FNBP1: variants seen among roughly 807,000 people sequenced by gnomAD.
FNBP1 encodes formin binding protein 1.
A neutral mutation model predicts 90.6 loss-of-function variants in FNBP1; 26 were observed. The observed-to-expected ratio is 0.29, with a 90% CI of 0.21 to 0.40. The LOEUF (loss-of-function observed/expected upper bound fraction) is 0.40. Ranked by LOEUF, FNBP1 falls within the 10% of genes least tolerant of loss-of-function variation. The pLI, the probability that FNBP1 is intolerant of heterozygous loss-of-function variation, is 1.00. For missense variants in FNBP1, 635 were observed against 768.0 expected (o/e 0.83, Z 2.05); for synonymous variants, 260 against 265.2 (o/e 0.98, Z 0.19).
chr9:129,989,880 A>T (rs2052853284), intron 2 of FNBP1, among the ~76,000 whole-genome samples: 1 of 152,126 alleles, frequency 6.6e-6, no homozygotes, highest in African/African-American at 2.4e-5. Flanking sequence ...TCTGCAAAAG[A>T]TACAAAAATT....
At chr9:130,035,420 C>T (rs1343426292) in intron 1 of FNBP1, among the ~76,000 whole-genome samples, 13 of 151,730 alleles carry the variant, frequency 8.6e-5, no homozygotes, top group South Asian at 2.1e-4. Context: ...AGGTCTGCAT[C>T]GTGATCTGAT....
intron 1 of FNBP1, among the ~76,000 whole-genome samples, chr9:130,026,549 G>A (rs1398588745): frequency 6.6e-6 from 1 of 151,964 alleles, no homozygotes; most frequent in African/African-American, 2.4e-5. Flanking sequence ...GATTTGAGGA[G>A]TGAACACAAT....
At chr9:129,971,450 G>A (rs964638769) in intron 4 of FNBP1, among the ~76,000 whole-genome samples, 1 of 152,016 alleles carries the variant, frequency 6.6e-6, no homozygotes, top group African/African-American at 2.4e-5. Flanking sequence ...GAGTGCAGTG[G>A]TGCGATCTCA....
At chr9:129,998,119 T>C (rs35535387) in intron 1 of FNBP1, among the ~76,000 whole-genome samples, 5,362 of 138,286 alleles carry the variant, frequency 0.039, 118 homozygotes, top group Middle Eastern at 0.1. Flanking sequence ...TCCACTGAAC[T>C]CAGGAGACAG....
intron 1 of FNBP1, among the ~76,000 whole-genome samples, chr9:130,007,810 G>A (rs2055984094): frequency 6.6e-6 from 1 of 152,066 alleles, no homozygotes; most frequent in Non-Finnish European, 1.5e-5. Flanking sequence ...GAGGTCAGGA[G>A]TTCAAGACCA....
At chr9:130,027,804 C>T (rs571261277) in intron 1 of FNBP1, among the ~76,000 whole-genome samples, 86 of 152,140 alleles carry the variant, frequency 5.7e-4, no homozygotes, top group Non-Finnish European at 9.3e-4. Context: ...TTGGCTTCTC[C>T]GTATGTCTCT....
Position 129,891,397 on chromosome 9 carries a change from C to T in FNBP1, c.1847-851G>A, listed in dbSNP as rs1393434726. On this transcript the variant is annotated intron_variant, in intron 16 of 16. Transcript: ENST00000446176. ...AAGGATGGCTTGAGCCCAGGGAGGT[C>T]GAGGCTGCAGCGAGCCAGGATCACA... Among the ~76,000 whole-genome samples the T allele has an allele frequency of 2.6e-5, 4 of 152,016 alleles. No homozygotes were observed. The South Asian group carries it at 8.3e-4, about 32-fold the overall frequency.
At chr9:130,002,896 C>A (rs1178288595) in intron 1 of FNBP1, among the ~76,000 whole-genome samples, 2 of 152,200 alleles carry the variant, frequency 1.3e-5, no homozygotes, top group African/African-American at 4.8e-5. Context: ...ACCTTGACCT[C>A]ACACTGCTCC....
At chr9:130,011,629 T>C (rs189261889) in intron 1 of FNBP1, among the ~76,000 whole-genome samples, 61 of 152,264 alleles carry the variant, frequency 4.0e-4, no homozygotes, top group Middle Eastern at 3.4e-3. Flanking sequence ...CCTTCACCAG[T>C]CACTGAACCT....
chr9:129,944,438 C>G (rs779286101), intron 6 of FNBP1, among the ~76,000 whole-genome samples: 2 of 149,820 alleles, frequency 1.3e-5, no homozygotes, highest in Admixed American at 6.7e-5. Context: ...CTACTTGGGA[C>G]GCTGAGGCAG....
intron 10 of FNBP1, among the ~76,000 whole-genome samples, chr9:129,917,854 A>G (rs191700932): frequency 6.4e-4 from 98 of 152,290 alleles, no homozygotes; most frequent in African/African-American, 2.2e-3. Context: ...TGTGAACTTG[A>G]GCATAGATCT....
At position 129,888,146 on chromosome 9, in the gene FNBP1, T is replaced by G. The variant is rs2034853620; in HGVS notation, c.*2393A>C. ...GTGACGGGGGGATACAAGCATATCC[T>G]ATACTGGGGGTGACGGTCATTCAAA... On this transcript the variant is annotated 3_prime_UTR_variant, in exon 17 of 17. Transcript: ENST00000446176. The G allele has an allele frequency of 1.3e-5, 3 of 232,954 alleles. No homozygotes were observed. Among genetic ancestry groups the G allele is most frequent in the Non-Finnish European group, 2.5e-5 (3 of 117,866 alleles). 14.4% of individuals were successfully genotyped at this position (232,954 alleles called of 1,614,324 possible).
chr9:129,943,499 G>A (rs2044671341), intron 6 of FNBP1, among the ~76,000 whole-genome samples: 1 of 146,140 alleles, frequency 6.8e-6, no homozygotes, highest in African/African-American at 2.5e-5. Flanking sequence ...CGATTCTCCT[G>A]CCTCAGCCTC....
At chr9:130,016,465 C>T (rs764348553) in intron 1 of FNBP1, among the ~76,000 whole-genome samples, 2 of 152,098 alleles carry the variant, frequency 1.3e-5, no homozygotes, top group African/African-American at 2.4e-5. Flanking sequence ...TTGCTGAGGC[C>T]GGGCATGGGG....
intron 15 of FNBP1, among the ~76,000 whole-genome samples, chr9:129,896,896 G>A (rs777000412): frequency 1.5e-4 from 23 of 152,208 alleles, no homozygotes; most frequent in East Asian, 3.8e-4. Context: ...CTCCCAAAGC[G>A]CTGGGATTAC....
intron 2 of FNBP1, 33 bp from the exon 3 acceptor site, chr9:129,979,407 A>C (rs1175377680): frequency 3.5e-6 from 5 of 1,447,838 alleles, no homozygotes; most frequent in Non-Finnish European, 4.8e-6. Context: ...TCAGCTTTAT[A>C]TAGAAAGAGA....
upstream of FNBP1, among the ~76,000 whole-genome samples, chr9:130,047,482 G>A (rs1441740281): frequency 1.3e-5 from 2 of 152,130 alleles, no homozygotes; most frequent in Non-Finnish European, 2.9e-5. Context: ...GCATGGTGGC[G>A]CACGCCTGTA....
chr9:129,991,040 TCTCCTGCCTTAGC>T (rs2053064644), intron 2 of FNBP1, among the ~76,000 whole-genome samples: 1 of 150,214 alleles, frequency 6.7e-6, no homozygotes, highest in African/African-American at 2.4e-5. Context: ...TTCAAGGGAT[TCTCCTGCCTTAGC>T]CTCCTGAGTA....
intron 8 of FNBP1, 132 bp downstream of exon 8, chr9:129,927,063 C>T (rs1305842610): frequency 6.2e-6 from 5 of 808,362 alleles, no homozygotes; most frequent in Non-Finnish European, 1.0e-5. Context: ...AAATCCAAGA[C>T]ACAGAGCATG....
Sources: allele counts gnomAD v4.1 joint callset (sites outside exome capture counted in the v4.1 genomes callset), GRCh38; gene constraint gnomAD v4.1.1; transcripts MANE v1.5; gene names NCBI Gene and HGNC (gene_info 2026-07-23, HGNC 2026-07-21).